The following GLE1 variants were observed in gnomAD, a reference collection of about 807,000 sequenced individuals.
GLE1 encodes mRNA export factor GLE1.
GLE1 carries 78 observed loss-of-function variants against 97.3 expected under a neutral mutation model. The ratio of observed to expected loss-of-function variants is 0.80; its 90% confidence interval spans 0.67 to 0.97. The LOEUF is 0.97. Ranked by LOEUF, GLE1 falls within the 50% of genes least tolerant of loss-of-function variation. The probability of loss-of-function intolerance (pLI) is 0.00; values close to 1 mark genes in which losing one functional copy is unlikely to be tolerated. For missense variants in GLE1, 753 were observed against 857.5 expected (o/e 0.88, Z 1.52); for synonymous variants, 302 against 313.4 (o/e 0.96, Z 0.39).
rs73669916 is a variant in GLE1 at position 128,532,124 on chromosome 9, G to A, written c.1313-1389G>A. Among the ~76,000 whole-genome samples, 715 of 151,058 alleles carry A rather than the reference G, an allele frequency of 4.7e-3. 5 individuals are homozygous for A. The highest frequency in any genetic ancestry group is 0.016 in the African/African-American group (677 of 41,124). On this transcript the variant is annotated intron_variant, in intron 9 of 15. Coordinates refer to ENST00000309971, the MANE Select transcript of GLE1 (RefSeq NM_001003722.2). Reference sequence around the variant, plus strand: ...CTTGAAGTGATTAGGAACTTGACAGGGTATTTCTCAACTGGAGATGCTGTA... The same window carrying A: ...CTTGAAGTGATTAGGAACTTGACAGAGTATTTCTCAACTGGAGATGCTGTA...
intron 2 of GLE1, among the ~76,000 whole-genome samples, chr9:128,511,249 TAAATA>T (rs1327345348): frequency 6.7e-6 from 1 of 148,576 alleles, no homozygotes; most frequent in Non-Finnish European, 1.5e-5. Context: ...AACAACAAAA[TAAATA>T]ATATATATAT....
intron 11 of GLE1, among the ~76,000 whole-genome samples, chr9:128,535,284 G>A (rs1238265630): frequency 1.3e-5 from 2 of 151,570 alleles, no homozygotes; most frequent in East Asian, 2.0e-4. Flanking sequence ...AGCCAAGGCC[G>A]CCAAAGCGGG....
chr9:128,532,125 G>A (rs574294108), intron 9 of GLE1, among the ~76,000 whole-genome samples: 2 of 150,832 alleles, frequency 1.3e-5, no homozygotes, highest in East Asian at 3.9e-4. Context: ...ACTTGACAGG[G>A]TATTTCTCAA....
intron 3 of GLE1, among the ~76,000 whole-genome samples, chr9:128,522,378 C>T (rs912020444): frequency 2.0e-5 from 3 of 152,076 alleles, no homozygotes; most frequent in African/African-American, 7.2e-5. Flanking sequence ...CATTTTCGGC[C>T]GGGCGAGGTG....
chr9:128,507,997 T>C (rs1846690829), intron 1 of GLE1, among the ~76,000 whole-genome samples: 1 of 152,012 alleles, frequency 6.6e-6, no homozygotes, highest in Admixed American at 6.6e-5. Context: ...CTGACTAACA[T>C]GGAGAAAACC....
At chr9:128,522,883 T>G in intron 4 of GLE1, 67 bp downstream of exon 4, 1 of 1,564,312 alleles carries the variant, frequency 6.4e-7, no homozygotes, top group Non-Finnish European at 8.8e-7. Flanking sequence ...CCAAGAGGAA[T>G]TCCAAAGGGA....
rs575875676 is a variant in GLE1, at chr9:128,537,256, C to T, written c.1777-730C>T. ...TCACCTAAGGTCAGGAGTTCAAGAC[C>T]AGCCTGGCCAACATGGTGAAACCCC... On this transcript the variant is annotated intron_variant, in intron 12 of 15. Transcript: ENST00000309971. Among the ~76,000 whole-genome samples the T allele has an allele frequency of 2.6e-5, 4 of 151,612 alleles. No homozygotes were observed. The South Asian group carries it at 8.4e-4, about 32-fold the overall frequency.
chr9:128,509,386 C>T, intron 2 of GLE1, among the ~76,000 whole-genome samples: 1 of 151,478 alleles, frequency 6.6e-6, no homozygotes, highest in East Asian at 1.9e-4. Flanking sequence ...ATATGGTCTC[C>T]CTTTTTGTGT....
In GLE1 at chr9:128,537,867, G is replaced by C; in HGVS notation, c.1777-119G>C. 3 of 714,310 alleles carry C rather than the reference G, an allele frequency of 4.2e-6. No individual in the cohort carries two copies. In the South Asian group the frequency reaches 4.5e-5, roughly 11 times the overall value. The allele number at this position is 714,310 out of a possible 1,614,324, so 44.2% of individuals were successfully genotyped here. On this transcript the variant is annotated intron_variant, in intron 12 of 15. Coordinates refer to ENST00000309971, the MANE Select transcript of GLE1 (RefSeq NM_001003722.2). ...TTTGTGTTATTTCTGCCCTGTGGCA[G>C]GTGCTAGGGCTGGATGATCTGGGGT...
At chr9:128,516,510 A>C (rs764943015) in intron 3 of GLE1, among the ~76,000 whole-genome samples, 1 of 150,220 alleles carries the variant, frequency 6.7e-6, no homozygotes, top group African/African-American at 2.5e-5. Context: ...TAGTGGAGAC[A>C]GGGTTTTGCC....
intron 9 of GLE1, among the ~76,000 whole-genome samples, chr9:128,529,823 C>G (rs1055672496): frequency 1.3e-5 from 2 of 151,692 alleles, no homozygotes; most frequent in Non-Finnish European, 2.9e-5. Context: ...TTCGCCCAGG[C>G]TGGAGTGCAG....
At chr9:128,511,135 C>T (rs185419610) in intron 2 of GLE1, among the ~76,000 whole-genome samples, 19 of 151,140 alleles carry the variant, frequency 1.3e-4, no homozygotes, top group Admixed American at 2.0e-4. Context: ...ACCCGGGAGA[C>T]GGAGGTTGCA....
In GLE1 at chr9:128,509,019, A is replaced by C; in HGVS notation, c.243A>C (p.Gln81His). The C allele has an allele frequency of 1.9e-6, 3 of 1,613,780 alleles. No homozygotes were observed. The highest frequency in any genetic ancestry group is 2.5e-6 in the Non-Finnish European group (3 of 1,179,712). Residue 81 changes from glutamine to histidine, a missense_variant, in exon 2 of 16, where the codon CAA becomes CAC. Physicochemically the swap from Gln to His is conservative, Grantham distance 24. Coordinates refer to ENST00000309971, the MANE Select transcript of GLE1 (RefSeq NM_001003722.2). ...CTACGTCAGCTTCAGCCCTAGATCA[A>C]CCCTCATTTGTTCCCAAATCTCCTG... ...PSSTSASALD[Q>H]PSFVPKSPDA...
intron 1 of GLE1, 42 bp downstream of exon 1, chr9:128,504,946 C>T: frequency 7.4e-7 from 1 of 1,346,806 alleles, no homozygotes; most frequent in Non-Finnish European, 1.1e-6. Context: ...TCCGGCCCCT[C>T]GCGACCGAAA....
intron 3 of GLE1, among the ~76,000 whole-genome samples, chr9:128,516,389 G>A (rs147637943): frequency 6.6e-6 from 1 of 152,098 alleles, no homozygotes; most frequent in Non-Finnish European, 1.5e-5. Context: ...GCACCATCTC[G>A]GCTCACCGCA....
intron 2 of GLE1, among the ~76,000 whole-genome samples, chr9:128,515,280 A>C (rs962329762): frequency 2.6e-5 from 4 of 151,984 alleles, no homozygotes; most frequent in Non-Finnish European, 4.4e-5. Flanking sequence ...CAAACAAGTC[A>C]AAAAAAACAT....
At chr9:128,520,129 A>G (rs1847098386) in intron 3 of GLE1, among the ~76,000 whole-genome samples, 1 of 152,092 alleles carries the variant, frequency 6.6e-6, no homozygotes, top group Non-Finnish European at 1.5e-5. Flanking sequence ...ACATGCCTGT[A>G]AACCCAGCTA....
At chr9:128,508,180 CAAAAAA>C (rs561804495) in intron 1 of GLE1, among the ~76,000 whole-genome samples, 1 of 74,480 alleles carries the variant, frequency 1.3e-5, no homozygotes, top group Non-Finnish European at 2.9e-5. Flanking sequence ...AACTCCATCT[CAAAAAA>C]AAAAAAAAAA....
rs1847833554 is a variant in GLE1, at chr9:128,539,782, G to GT, written c.1964+88dup. The GT allele has an allele frequency of 3.1e-6, 5 of 1,608,922 alleles. No homozygotes were observed. In the African/African-American group the frequency reaches 4.0e-5, roughly 13 times the overall value. ...TACCCAAGGGTGCTATTACCTGCTG[G>GT]TTTTGATTCAAGTTAAAAACACCTG... On this transcript the variant is annotated intron_variant, in intron 14 of 15. Coordinates refer to ENST00000309971, the MANE Select transcript of GLE1 (RefSeq NM_001003722.2).
Sources: gnomAD v4.1 joint callset for allele counts (sites outside exome capture counted in the v4.1 genomes callset) on GRCh38, gnomAD v4.1.1 for gene constraint, MANE v1.5 for transcripts, NCBI Gene and HGNC (gene_info 2026-07-23, HGNC 2026-07-21) for gene names.